The following TAB2 variants were observed in gnomAD, a reference collection of about 807,000 sequenced individuals.
TAB2 encodes the protein TGF-beta-activated kinase 1 and MAP3K7-binding protein 2.
TAB2 carries 3 observed loss-of-function variants against 65.0 expected under a neutral mutation model. The observed-to-expected ratio is 0.05, with a 90% CI of 0.02 to 0.12. TAB2 has a LOEUF of 0.12. Among genes scored for constraint, TAB2 ranks in the 10% least tolerant of loss-of-function variants. TAB2 has a pLI of 1.00. For synonymous variants in TAB2, 298 were observed against 285.1 expected (o/e 1.05, Z -0.46); for missense variants, 623 against 840.3 (o/e 0.74, Z 3.20).
upstream of TAB2, chr6:149,218,581 G>A (rs1777071246): frequency 4.5e-6 from 1 of 224,472 alleles, no homozygotes. Context: ...CAGTGGGACA[G>A]GGTCAGGGTA....
rs969864442 is a variant in TAB2 at position 149,400,113 on chromosome 6, T to C, written c.1939+929T>C. 11 of 447,654 alleles carry C rather than the reference T, an allele frequency of 2.5e-5. No individual in the cohort carries two copies. In the South Asian group the frequency reaches 2.7e-4, roughly 11 times the overall value. The allele number at this position is 447,654 out of a possible 1,614,324, so 27.7% of individuals were successfully genotyped here. On this transcript the variant is annotated intron_variant, in intron 6 of 6. Transcript: ENST00000637181. ...ACTGCCAATAGTAAGTCCTCACTTA[T>C]TAGTAATTACCTTAACTGGAAATGG...
At chr6:149,247,574 T>G (rs1263118086) in intron 1 of TAB2, 1 of 152,278 alleles carries the variant, frequency 6.6e-6, no homozygotes, top group Non-Finnish European at 1.5e-5. Flanking sequence ...ACTCATGCCT[T>G]CTGTGCTCCT....
intron 1 of TAB2, among the ~76,000 whole-genome samples, chr6:149,362,750 A>G (rs1000037854): frequency 6.6e-6 from 1 of 152,166 alleles, no homozygotes. Context: ...GTTAACTTCA[A>G]TCTTTGACAG....
chr6:149,407,609 A>C (rs1311751224), intron 6 of TAB2, among the ~76,000 whole-genome samples: 2 of 152,148 alleles, frequency 1.3e-5, no homozygotes, highest in African/African-American at 4.8e-5. Flanking sequence ...AATAAAGCTA[A>C]AATACACATT....
chr6:149,229,688 G>T (rs1777362632), intron 1 of TAB2, among the ~76,000 whole-genome samples: 1 of 152,048 alleles, frequency 6.6e-6, no homozygotes, highest in African/African-American at 2.4e-5. Context: ...GGGCACTGTG[G>T]ACACTCAGAC....
intron 1 of TAB2, among the ~76,000 whole-genome samples, chr6:149,293,432 A>C (rs1778813314): frequency 6.6e-6 from 1 of 152,080 alleles, no homozygotes; most frequent in Non-Finnish European, 1.5e-5. Flanking sequence ...TTCACTTCTT[A>C]TGTGTGTTGC....
chr6:149,223,656 T>C (rs1777204590), intron 1 of TAB2, among the ~76,000 whole-genome samples: 1 of 152,234 alleles, frequency 6.6e-6, no homozygotes, highest in African/African-American at 2.4e-5. Context: ...CCCTACCGTT[T>C]TAGAGAGTTC....
At chr6:149,306,316 T>G (rs1176019693) in intron 1 of TAB2, among the ~76,000 whole-genome samples, 6 of 151,984 alleles carry the variant, frequency 3.9e-5, no homozygotes, top group African/African-American at 1.4e-4. Flanking sequence ...TGAGGTGGGC[T>G]GATCACAAGG....
intron 1 of TAB2, among the ~76,000 whole-genome samples, chr6:149,292,638 A>G (rs1778798453): frequency 2.0e-5 from 3 of 152,260 alleles, no homozygotes. Context: ...ATTAAGGAGC[A>G]TAAAAATGAC....
intron 1 of TAB2, among the ~76,000 whole-genome samples, chr6:149,362,511 C>G (rs916914164): frequency 6.6e-6 from 1 of 152,196 alleles, no homozygotes; most frequent in Non-Finnish European, 1.5e-5. Context: ...CTCCATGATT[C>G]ATTCACCATC....
chr6:149,397,857 T>G, intron 4 of TAB2, 93 bp downstream of exon 4: 1 of 1,580,240 alleles, frequency 6.3e-7, no homozygotes, highest in Non-Finnish European at 8.7e-7. Context: ...TTTCTTCAGA[T>G]GTTCTTAACT....
chr6:149,337,945 A>C (rs1005848529), intron 1 of TAB2, among the ~76,000 whole-genome samples: 1 of 152,186 alleles, frequency 6.6e-6, no homozygotes, highest in African/African-American at 2.4e-5. Context: ...GCTGAGATGC[A>C]TGGAGTCAGG....
At chr6:149,313,520 A>G (rs1292159647), upstream of TAB2, among the ~76,000 whole-genome samples, 1 of 151,994 alleles carries the variant, frequency 6.6e-6, no homozygotes, top group East Asian at 1.9e-4. Context: ...TCTGCAGATG[A>G]CTTCCAATGT....
chr6:149,301,195 A>G (rs1341517332), intron 1 of TAB2, among the ~76,000 whole-genome samples: 1 of 152,218 alleles, frequency 6.6e-6, no homozygotes, highest in Non-Finnish European at 1.5e-5. Context: ...AATCCCTTGC[A>G]CTTAGGACAA....
chr6:149,367,640 G>A (rs909092960), intron 1 of TAB2, among the ~76,000 whole-genome samples: 2 of 152,178 alleles, frequency 1.3e-5, no homozygotes, highest in Non-Finnish European at 2.9e-5. Flanking sequence ...GAAGGAAGGT[G>A]GGGAGACCTA....
At chr6:149,256,647 C>T (rs964381957) in intron 1 of TAB2, among the ~76,000 whole-genome samples, 8 of 152,068 alleles carry the variant, frequency 5.3e-5, no homozygotes, top group Admixed American at 1.3e-4. Context: ...AAATTGATTA[C>T]GCTGGATAAA....
At chr6:149,306,976 G>C (rs1779084276) in intron 1 of TAB2, among the ~76,000 whole-genome samples, 1 of 152,142 alleles carries the variant, frequency 6.6e-6, no homozygotes, top group Non-Finnish European at 1.5e-5. Context: ...AACAGTAATT[G>C]TCTTTTTGTC....
intron 1 of TAB2, among the ~76,000 whole-genome samples, chr6:149,336,079 G>A (rs6906256): frequency 0.047 from 7,165 of 152,142 alleles, 521 homozygotes; most frequent in African/African-American, 0.16. Context: ...AGGAACCCCG[G>A]GTTCTAGTCC....
intron 1 of TAB2, among the ~76,000 whole-genome samples, chr6:149,310,978 A>G (rs1779157298): frequency 6.6e-6 from 1 of 152,064 alleles, no homozygotes; most frequent in Non-Finnish European, 1.5e-5. Context: ...TGCGTTCCCC[A>G]TACCTTTGCC....
Sources: gnomAD v4.1 joint callset for allele counts (sites outside exome capture counted in the v4.1 genomes callset) on GRCh38, gnomAD v4.1.1 for gene constraint, MANE v1.5 for transcripts, NCBI Gene and HGNC (gene_info 2026-07-23, HGNC 2026-07-21) for gene names.